PRKD3: variants seen among roughly 807,000 people sequenced by gnomAD.
PRKD3 encodes the protein serine/threonine-protein kinase D3.
A neutral mutation model predicts 99.2 loss-of-function variants in PRKD3; 47 were observed. The observed-to-expected ratio is 0.47, with a 90% CI of 0.38 to 0.60. The LOEUF is 0.60. Ranked by LOEUF, PRKD3 falls within the 20% of genes least tolerant of loss-of-function variation. The pLI is 0.00. For synonymous variants in PRKD3, 392 were observed against 355.4 expected, an observed-to-expected ratio of 1.10 and a Z score of -1.16; for missense variants, 1,019 against 1,088.4, an observed-to-expected ratio of 0.94 and a Z score of 0.90.
At chr2:37,269,289 T>G in intron 13 of PRKD3, 1 of 287,410 alleles carries the variant, frequency 3.5e-6, no homozygotes, top group Non-Finnish European at 6.9e-6. Flanking sequence ...GGGAATATAC[T>G]TCAATGAATA....
At chr2:37,269,031 G>A (rs139528381) in intron 13 of PRKD3, 1 of 153,538 alleles carries the variant, frequency 6.5e-6, no homozygotes, top group Non-Finnish European at 1.4e-5. Flanking sequence ...GGATAACAAG[G>A]GTTTAACATT....
chr2:37,276,445 T>TA (rs1220272227), intron 9 of PRKD3, among the ~76,000 whole-genome samples: 1 of 152,162 alleles, frequency 6.6e-6, no homozygotes, highest in Non-Finnish European at 1.5e-5. Flanking sequence ...TTCTTATGTG[T>TA]AAGAGTCATT....
rs1164400148 is a variant in PRKD3, at chr2:37,277,855, T to C, written c.1296+11A>G. 6.2e-7 allele frequency: 1 copy of C among 1,609,546 alleles called. No individual in the cohort carries two copies. On this transcript the variant is annotated intron_variant, in intron 9 of 18. Coordinates refer to ENST00000234179, the MANE Select transcript of PRKD3 (RefSeq NM_005813.6). ...TCTTACTAGCATATTCAAATGTATT[T>C]GATTACTGACCAGGTTATCCCTGCT...
At chr2:37,268,298 T>C (rs1043340929) in intron 13 of PRKD3, 7 of 470,624 alleles carry the variant, frequency 1.5e-5, no homozygotes, top group African/African-American at 1.0e-4. Context: ...AAGCCAAAGG[T>C]ACCTCGGACA....
At chr2:37,293,314 AT>A (rs1228402761) in intron 2 of PRKD3, 43 bp from the exon 3 acceptor site, 1 of 1,469,842 alleles carries the variant, frequency 6.8e-7, no homozygotes, top group South Asian at 1.5e-5. Flanking sequence ...ACAGTTTTCT[AT>A]TTTTATAAGT....
chr2:37,318,595 C>G (rs1287958477), intron 1 of PRKD3, among the ~76,000 whole-genome samples: 1 of 152,184 alleles, frequency 6.6e-6, no homozygotes, highest in Non-Finnish European at 1.5e-5. Context: ...CACAGAAAGA[C>G]AGACTGCTCA....
At chr2:37,290,734 G>A (rs1670374940) in intron 4 of PRKD3, 134 bp downstream of exon 4, 3 of 955,594 alleles carry the variant, frequency 3.1e-6, no homozygotes, top group South Asian at 1.8e-5. Context: ...TAAAATGAGA[G>A]TCCTGATCTC....
chr2:37,263,082 T>C (rs1668589904), intron 14 of PRKD3, among the ~76,000 whole-genome samples: 1 of 152,180 alleles, frequency 6.6e-6, no homozygotes, highest in Non-Finnish European at 1.5e-5. Flanking sequence ...CTGCTTTCTT[T>C]AGGTTTATTT....
intron 14 of PRKD3, among the ~76,000 whole-genome samples, chr2:37,264,155 GGTTGACA>G (rs1668663791): frequency 6.6e-6 from 1 of 152,070 alleles, no homozygotes; most frequent in Non-Finnish European, 1.5e-5. Flanking sequence ...GATGTGGCCA[GGTTGACA>G]GTTTATGTAG....
chr2:37,256,824 T>C lies in PRKD3; in HGVS notation c.2251A>G (p.Lys751Glu). 1 of 1,614,030 alleles carries C rather than the reference T, an allele frequency of 6.2e-7. No individual in the cohort carries two copies. Among genetic ancestry groups the C allele is most frequent in the Non-Finnish European group, 8.5e-7 (1 of 1,179,996 alleles). Residue 751 changes from lysine (K) to glutamate (E), a missense_variant, in exon 17 of 19, where the codon AAA (lysine) becomes GAA (glutamate). By Grantham distance (56) the Lys-to-Glu change is moderately conservative. Around this residue, in one of 3 missense-constraint regions of PRKD3, gnomAD observed 184 missense variants for 275.1 expected, o/e 0.67. Transcript: ENST00000234179. The part of the protein sequence containing the change: ...AYLAPEVLRS[K>E]GYNRSLDMWS... Reference sequence around the variant, plus strand: ...ATATCTAGGGAACGGTTGTAACCTTTGCTCCGGAGAACTTCAGGGGCTAAG... The same window carrying C: ...ATATCTAGGGAACGGTTGTAACCTTCGCTCCGGAGAACTTCAGGGGCTAAG...
In PRKD3 at chr2:37,264,115, T is replaced by A. The variant is rs941337159; in HGVS notation, c.1884+3315A>T. Among the ~76,000 whole-genome samples, 6 of 152,146 alleles carry A rather than the reference T, an allele frequency of 3.9e-5. No individual in the cohort carries two copies. The East Asian group carries it at 1.2e-3, about 29-fold the overall frequency. On this transcript the variant is annotated intron_variant, in intron 14 of 18. Transcript: ENST00000234179. ...AACAAAAGGAACCTCCCCTCCCCAA[T>A]TTTTTTCCTGCTCTACAACATCCTC...
intron 9 of PRKD3, 136 bp downstream of exon 9, chr2:37,277,730 G>C: frequency 1.2e-6 from 1 of 868,946 alleles, no homozygotes. Context: ...TATAATTCCA[G>C]TGCATCTTTT....
chr2:37,288,502 CAGAGAAGTTACAG>C (rs1670227243), intron 5 of PRKD3, among the ~76,000 whole-genome samples: 1 of 152,104 alleles, frequency 6.6e-6, no homozygotes, highest in Admixed American at 6.5e-5. Flanking sequence ...TACAGAAGAT[CAGAGAAGTTACAG>C]AAAAAACTAA....
At position 37,320,313 on chromosome 2, in the gene PRKD3, C is replaced by A. The variant is rs181062189; in HGVS notation, c.-655-3134G>T. ...AACCTAACAATGGAACAGGTTGTCTCACGAGGTAATGAGCTCCACAACGTA... is the reference window on the plus strand; with the variant it reads ...AACCTAACAATGGAACAGGTTGTCTAACGAGGTAATGAGCTCCACAACGTA... On this transcript the variant is annotated intron_variant, in intron 1 of 18. Coordinates refer to ENST00000234179, the MANE Select transcript of PRKD3 (RefSeq NM_005813.6). 1.2e-3 allele frequency among the ~76,000 whole-genome samples: 185 copies of A among 152,024 alleles called. 5 individuals are homozygous for A. Among genetic ancestry groups the A allele is most frequent in the Admixed American group, 0.012 (181 of 15,278 alleles).
chr2:37,318,897 A>C (rs939026355), intron 1 of PRKD3, among the ~76,000 whole-genome samples: 2 of 152,228 alleles, frequency 1.3e-5, no homozygotes, highest in Non-Finnish European at 2.9e-5. Context: ...CAAATTTCAG[A>C]AATTACAAAC....
rs760294132 is a variant in PRKD3 at position 37,275,770 on chromosome 2, A to G, written c.1371T>C (p.Tyr457=). The change falls in exon 10 of 19, where the codon TAT becomes TAC. Residue 457 remains tyrosine, a synonymous_variant. Coordinates refer to ENST00000234179, the MANE Select transcript of PRKD3 (RefSeq NM_005813.6). ...TTTTAAAGTGTAAAATCCTTACCTT[A>G]TAATACTTTGATCCAGATTCATTCT... ...LFQNESGSKY[Y]KEIPLSEILR... 1.9e-6 allele frequency: 3 copies of G among 1,607,822 alleles called. No individual in the cohort carries two copies. The highest frequency in any genetic ancestry group is 3.4e-5 in the Admixed American group (2 of 58,974).
At position 37,295,363 on chromosome 2, in the gene PRKD3, T is replaced by C. The variant is rs77736560; in HGVS notation, c.289-2092A>G. 1.4e-4 allele frequency among the ~76,000 whole-genome samples: 22 copies of C among 152,272 alleles called. No individual in the cohort carries two copies. The East Asian group carries it at 2.7e-3, about 19-fold the overall frequency. ...GGAGTAGAGGGATTCAGTATGATACTTGAGCAGAACTAAAAAAGAGAAGCA... is the reference window on the plus strand; with the variant it reads ...GGAGTAGAGGGATTCAGTATGATACCTGAGCAGAACTAAAAAAGAGAAGCA... On this transcript the variant is annotated intron_variant, in intron 2 of 18. Coordinates refer to ENST00000234179, the MANE Select transcript of PRKD3 (RefSeq NM_005813.6).
chr2:37,265,167 G>GT (rs1398055425), intron 14 of PRKD3, among the ~76,000 whole-genome samples: 1 of 152,062 alleles, frequency 6.6e-6, no homozygotes, highest in Non-Finnish European at 1.5e-5. Context: ...AGGACTACAG[G>GT]TAAGAATGAC....
chr2:37,290,259 C>T (rs947942484), intron 4 of PRKD3, among the ~76,000 whole-genome samples: 3 of 151,836 alleles, frequency 2.0e-5, no homozygotes, highest in Non-Finnish European at 2.9e-5. Context: ...GACAGAGTTT[C>T]GCTCTTTCAC....
Sources: allele counts gnomAD v4.1 joint callset (sites outside exome capture counted in the v4.1 genomes callset), GRCh38; gene constraint gnomAD v4.1.1; regional missense constraint gnomAD v4.1.1; transcripts MANE v1.5; gene names NCBI Gene and HGNC (gene_info 2026-07-23, HGNC 2026-07-21).